Variants in TSPAN18 observed in about 807,000 individuals in gnomAD.
The protein encoded by TSPAN18 is tetraspanin-18.
In TSPAN18, 14 loss-of-function variants were observed where a neutral mutation model predicts 27.3. The ratio of observed to expected loss-of-function variants is 0.51; its 90% CI spans 0.34 to 0.80. The LOEUF (loss-of-function observed/expected upper bound fraction) is 0.80, where lower values mean the gene tolerates loss of function less well. Ranked by LOEUF, TSPAN18 falls within the 30% of genes least tolerant of loss-of-function variation. TSPAN18 has a pLI of 0.01. For missense variants in TSPAN18, 268 were observed against 323.9 expected (o/e 0.83, Z 1.32); for synonymous variants, 143 against 136.5 (o/e 1.05, Z -0.33).
intron 2 of TSPAN18, among the ~76,000 whole-genome samples, chr11:44,805,049 G>A (rs1428176514): frequency 6.6e-6 from 1 of 152,196 alleles, no homozygotes; most frequent in Non-Finnish European, 1.5e-5. Flanking sequence ...TTGGTTGGGG[G>A]AATCAGGAGT....
At chr11:44,906,827 C>T (rs1425481040) in intron 4 of TSPAN18, among the ~76,000 whole-genome samples, 2 of 152,188 alleles carry the variant, frequency 1.3e-5, no homozygotes, top group African/African-American at 4.8e-5. Flanking sequence ...GAGGGAGCCC[C>T]ACCCAACCTT....
chr11:44,912,809 T>C (rs1348541762), intron 5 of TSPAN18, among the ~76,000 whole-genome samples: 1 of 149,906 alleles, frequency 6.7e-6, no homozygotes, highest in Non-Finnish European at 1.5e-5. Context: ...ATGGGTGTTA[T>C]ACGTGCATGG....
At chr11:44,780,377 A>C (rs536148254) in intron 2 of TSPAN18, among the ~76,000 whole-genome samples, 1 of 152,244 alleles carries the variant, frequency 6.6e-6, no homozygotes, top group Admixed American at 6.5e-5. Flanking sequence ...AGGTTGAGAC[A>C]GGGACAATCT....
At position 44,839,728 on chromosome 11, in the gene TSPAN18, G is replaced by A. The variant is rs575744137; in HGVS notation, c.-152-20600G>A. On this transcript the variant is annotated intron_variant, in intron 2 of 9. Transcript: ENST00000520358. The stretch of plus-strand genomic sequence containing the variant: ...ATCACTGAACTGAGCATGCAAGCGG[G>A]GAGGGAGGTAAGTGTTGTGGGGCAG... Among the ~76,000 whole-genome samples the A allele has an allele frequency of 2.0e-3, 301 of 152,256 alleles. 2 individuals carry two copies. The highest frequency in any genetic ancestry group is 3.3e-3 in the Non-Finnish European group (222 of 68,032).
rs141635118 is a variant in TSPAN18 at position 44,843,173 on chromosome 11, A to G, written c.-152-17155A>G. Among the ~76,000 whole-genome samples the G allele has an allele frequency of 7.2e-3, 1,096 of 152,330 alleles. 16 individuals are homozygous for G. Among genetic ancestry groups the G allele is most frequent in the African/African-American group, 0.025 (1,022 of 41,562 alleles). ...GGAATATATGGGGGGACCTGCCCCA[A>G]TAATCACATAGGTTCTTTCCTATTT... On this transcript the variant is annotated intron_variant, in intron 2 of 9. Coordinates refer to ENST00000520358, the MANE Select transcript of TSPAN18 (RefSeq NM_130783.5).
intron 2 of TSPAN18, among the ~76,000 whole-genome samples, chr11:44,830,155 C>T (rs536621079): frequency 2.0e-5 from 3 of 152,198 alleles, no homozygotes; most frequent in Admixed American, 6.5e-5. Flanking sequence ...CAGGGGCACA[C>T]AGGGTGTTCC....
intron 1 of TSPAN18, among the ~76,000 whole-genome samples, chr11:44,738,944 G>A (rs1021712484): frequency 6.6e-6 from 1 of 152,188 alleles, no homozygotes; most frequent in African/African-American, 2.4e-5. Flanking sequence ...CAGGTAGTCC[G>A]AACCTGGAGC....
intron 1 of TSPAN18, among the ~76,000 whole-genome samples, chr11:44,746,807 G>A (rs1005975994): frequency 6.6e-6 from 1 of 152,168 alleles, no homozygotes; most frequent in African/African-American, 2.4e-5. Context: ...GAAAATACAC[G>A]GTGTGCCTGG....
chr11:44,778,134 G>A (rs1855857104), intron 2 of TSPAN18, among the ~76,000 whole-genome samples: 1 of 152,120 alleles, frequency 6.6e-6, no homozygotes, highest in African/African-American at 2.4e-5. Flanking sequence ...ACTAGAAATG[G>A]GGGCTGGGCT....
intron 3 of TSPAN18, among the ~76,000 whole-genome samples, chr11:44,882,627 C>CACACAGAG (rs375349718): frequency 0.14 from 17,901 of 130,316 alleles, 1,614 homozygotes; most frequent in Non-Finnish European, 0.2. Context: ...CACACACACA[C>CACACAGAG]AGAGAGAGAG....
intron 2 of TSPAN18, among the ~76,000 whole-genome samples, chr11:44,854,197 G>A (rs1857673254): frequency 8.3e-6 from 1 of 120,656 alleles, no homozygotes; most frequent in Admixed American, 7.7e-5. Flanking sequence ...TTGGGGCAGG[G>A]GGTGGGGGGG....
intron 2 of TSPAN18, among the ~76,000 whole-genome samples, chr11:44,785,268 C>G (rs1332474757): frequency 6.6e-6 from 1 of 152,158 alleles, no homozygotes; most frequent in Non-Finnish European, 1.5e-5. Flanking sequence ...CTGAAGTCAC[C>G]TTTTTCCCAT....
chr11:44,761,770 C>T (rs16938072), intron 1 of TSPAN18, among the ~76,000 whole-genome samples: 10,977 of 152,230 alleles, frequency 0.072, 1,066 homozygotes, highest in African/African-American at 0.22. Context: ...ATACGTGTTC[C>T]GTGCAGTCCC....
intron 2 of TSPAN18, among the ~76,000 whole-genome samples, chr11:44,808,271 G>A (rs74502207): frequency 0.022 from 3,372 of 152,250 alleles, 132 homozygotes; most frequent in African/African-American, 0.074. Flanking sequence ...GAGGTGGTGC[G>A]AGGATTGGAA....
intron 2 of TSPAN18, among the ~76,000 whole-genome samples, chr11:44,836,671 C>T (rs1857270860): frequency 6.6e-6 from 1 of 152,286 alleles, no homozygotes; most frequent in Non-Finnish European, 1.5e-5. Context: ...TGTCTGGCTT[C>T]AAGGCTTCAA....
At chr11:44,871,681 G>A (rs770366213) in intron 3 of TSPAN18, among the ~76,000 whole-genome samples, 5 of 152,162 alleles carry the variant, frequency 3.3e-5, no homozygotes, top group Admixed American at 6.5e-5. Flanking sequence ...CCTGGCAGGC[G>A]GGTCCCAGAA....
At chr11:44,812,048 T>C (rs993714383) in intron 2 of TSPAN18, among the ~76,000 whole-genome samples, 1 of 152,222 alleles carries the variant, frequency 6.6e-6, no homozygotes, top group Non-Finnish European at 1.5e-5. Flanking sequence ...GGTTTCCTTC[T>C]TTCATCACTC....
rs571645333 is a variant in TSPAN18, at chr11:44,907,309, C to T, written c.63+830C>T. ...TGGGCCCCCACAGGCTTTCCTGGTC[C>T]AGCCTCAGGCTTTGATCTTAGTACA... is the stretch of plus-strand genomic sequence containing the variant. On this transcript the variant is annotated intron_variant, in intron 4 of 9. Coordinates refer to ENST00000520358, the MANE Select transcript of TSPAN18 (RefSeq NM_130783.5). Among the ~76,000 whole-genome samples the T allele has an allele frequency of 7.2e-5, 11 of 152,290 alleles. No individual in the cohort carries two copies. The South Asian group carries it at 2.1e-3, about 29-fold the overall frequency.
intron 3 of TSPAN18, among the ~76,000 whole-genome samples, chr11:44,878,833 TGTG>T (rs1196417156): frequency 6.6e-6 from 1 of 152,210 alleles, no homozygotes; most frequent in Non-Finnish European, 1.5e-5. Context: ...TCTCCAAAAA[TGTG>T]GTGGTAACAT....
Sources: allele counts gnomAD v4.1 joint callset (sites outside exome capture counted in the v4.1 genomes callset), GRCh38; gene constraint gnomAD v4.1.1; transcripts MANE v1.5; gene names NCBI Gene and HGNC (gene_info 2026-07-23, HGNC 2026-07-21).